The following FBP1 variants were observed in gnomAD, a reference collection of about 807,000 sequenced individuals.
FBP1 encodes the protein fructose-1,6-bisphosphatase 1.
FBP1 carries 22 observed loss-of-function variants against 29.9 expected under a neutral mutation model. The ratio of observed to expected loss-of-function variants is 0.74; its 90% CI spans 0.53 to 1.05. The LOEUF is 1.05. FBP1 is among the 50% of genes least tolerant of loss of function. FBP1 has a pLI of 0.00. For synonymous variants in FBP1, 175 were observed against 178.6 expected (o/e 0.98, Z 0.16); for missense variants, 345 against 448.2 (o/e 0.77, Z 2.08).
At chr9:94,622,044 G>A (rs1334592409) in intron 1 of FBP1, among the ~76,000 whole-genome samples, 1 of 152,184 alleles carries the variant, frequency 6.6e-6, no homozygotes, top group African/African-American at 2.4e-5. Context: ...TCCCAGGCCA[G>A]GGCTCTCTTG....
Position 94,620,476 on chromosome 9 carries a change from A to G in FBP1, c.186T>C (p.Gly62=). 1.9e-6 allele frequency: 3 copies of G among 1,614,182 alleles called. No individual in the cohort carries two copies. The highest frequency in any genetic ancestry group is 2.5e-6 in the Non-Finnish European group (3 of 1,180,034). The change falls in exon 2 of 7, where the codon GGT becomes GGC. Residue 62 remains glycine (G), a synonymous_variant. Transcript: ENST00000375326. ...AGIAHLYGIA[G]STNVTGDQVK... Reference sequence around the variant, plus strand: ...CTTGATCACCTGTCACGTTGGTAGAACCAGCAATGCCATAGCTACAGGGAA... The same window carrying G: ...CTTGATCACCTGTCACGTTGGTAGAGCCAGCAATGCCATAGCTACAGGGAA...
At chr9:94,607,782 C>G (rs1827722925) in intron 4 of FBP1, among the ~76,000 whole-genome samples, 1 of 151,552 alleles carries the variant, frequency 6.6e-6, no homozygotes, top group African/African-American at 2.4e-5. Context: ...AAAAGGCCCA[C>G]CGACACCTCT....
intron 1 of FBP1, among the ~76,000 whole-genome samples, chr9:94,628,431 T>C (rs1485246811): frequency 6.6e-6 from 1 of 150,776 alleles, no homozygotes; most frequent in Non-Finnish European, 1.5e-5. Context: ...CATTGTGAGG[T>C]TTTCTCCACC....
At chr9:94,616,684 G>A (rs763542654) in intron 3 of FBP1, among the ~76,000 whole-genome samples, 3 of 151,988 alleles carry the variant, frequency 2.0e-5, no homozygotes, top group East Asian at 1.9e-4. Context: ...CACCCACCTC[G>A]GCCTCCCAAA....
intron 1 of FBP1, among the ~76,000 whole-genome samples, chr9:94,634,289 G>T (rs1476396414): frequency 1.4e-5 from 2 of 139,622 alleles, no homozygotes; most frequent in Non-Finnish European, 1.5e-5. Flanking sequence ...GCGAGACTCT[G>T]CCTCAAAAAA....
chr9:94,620,578 G>T, intron 1 of FBP1, 87 bp from the exon 2 acceptor site: 1 of 1,315,020 alleles, frequency 7.6e-7, no homozygotes, highest in Non-Finnish European at 1.1e-6. Flanking sequence ...TGAGTGTTCG[G>T]TAAGATTTAG....
chr9:94,613,942 G>A lies in FBP1; in HGVS notation c.426+3826C>T, dbSNP rs184727644. On this transcript the variant is annotated intron_variant, in intron 3 of 6. Coordinates refer to ENST00000375326, the MANE Select transcript of FBP1 (RefSeq NM_000507.4). Reference sequence around the variant, plus strand: ...AAAATACAAAAAAAATTAGCCAAGCGTGGTGGCGGGCGCCTGTAGTCCCAG... The same window carrying A: ...AAAATACAAAAAAAATTAGCCAAGCATGGTGGCGGGCGCCTGTAGTCCCAG... Among the ~76,000 whole-genome samples the A allele has an allele frequency of 5.0e-4, 76 of 151,150 alleles. No homozygotes were observed. In the South Asian group the frequency reaches 0.01, roughly 21 times the overall value.
Position 94,603,511 on chromosome 9 carries a change from G to A in FBP1, c.887C>T (p.Ala296Val). 6.2e-7 allele frequency: 1 copy of A among 1,614,120 alleles called. No individual in the cohort carries two copies. Among genetic ancestry groups the A allele is most frequent in the Non-Finnish European group, 8.5e-7 (1 of 1,179,992 alleles). Residue 296 changes from alanine (A) to valine (V), a missense_variant, in exon 7 of 7, where the codon GCC becomes GTC. Coordinates refer to ENST00000375326, the MANE Select transcript of FBP1 (RefSeq NM_000507.4). ...AYVMEKAGGM[A>V]TTGKEAVLDV... The stretch of plus-strand genomic sequence containing the variant: ...TAACACGGCCTCCTTCCCAGTGGTG[G>A]CCATTCCCCCAGCCTTCTCCATGAC...
chr9:94,639,293 G>A lies in FBP1; in HGVS notation c.18C>T (p.Pro6=), dbSNP rs773395852. The change falls in exon 1 of 7, where the codon CCC becomes CCT. Residue 6 remains proline, a synonymous_variant. Transcript: ENST00000375326. MADQA[P]FDTDVNTLTR... The stretch of plus-strand genomic sequence containing the variant: ...TCAGGGTGTTGACGTCCGTGTCGAA[G>A]GGCGCCTGGTCAGCCATGCTTGAAC... 9 of 1,607,504 alleles carry A rather than the reference G, an allele frequency of 5.6e-6. No homozygotes were observed. The highest frequency in any genetic ancestry group is 7.6e-6 in the Non-Finnish European group (9 of 1,177,214).
intron 3 of FBP1, among the ~76,000 whole-genome samples, chr9:94,610,399 A>G (rs148827684): frequency 6.6e-6 from 1 of 152,352 alleles, no homozygotes; most frequent in African/African-American, 2.4e-5. Context: ...ACGGGCATCC[A>G]TCTCTGTCAC....
rs1396589656 is a variant in FBP1, at chr9:94,628,394, A to AAT, written c.171-7904_171-7903insAT. ...GAGACTCTGTCTCAAAAAAAAAAAA[A>AAT]AAATTTATCATAGAGGGGAAAGGCA... On this transcript the variant is annotated intron_variant, in intron 1 of 6. Transcript: ENST00000375326. Among the ~76,000 whole-genome samples the AAT allele has an allele frequency of 7.7e-3, 1,166 of 151,684 alleles. 15 individuals are homozygous for AAT. Among genetic ancestry groups the AAT allele is most frequent in the African/African-American group, 0.027 (1,119 of 41,310 alleles).
chr9:94,621,367 G>C (rs1175456533), intron 1 of FBP1, among the ~76,000 whole-genome samples: 1 of 148,520 alleles, frequency 6.7e-6, no homozygotes, highest in Non-Finnish European at 1.5e-5. Context: ...CTGCACTCCA[G>C]CCTGGGCGAC....
intron 1 of FBP1, among the ~76,000 whole-genome samples, chr9:94,635,034 A>T (rs1161080964): frequency 1.3e-5 from 2 of 148,532 alleles, no homozygotes; most frequent in Non-Finnish European, 3.0e-5. Context: ...GGTTGCAGTA[A>T]GCTGAGATTG....
intron 4 of FBP1, among the ~76,000 whole-genome samples, chr9:94,608,677 T>C (rs1197175541): frequency 2.6e-5 from 4 of 152,098 alleles, no homozygotes; most frequent in African/African-American, 9.6e-5. Flanking sequence ...CCTTGTTTAT[T>C]TGTTAAGTGC....
chr9:94,637,008 A>C (rs948503800), intron 1 of FBP1, among the ~76,000 whole-genome samples: 6 of 151,910 alleles, frequency 3.9e-5, no homozygotes, highest in Non-Finnish European at 8.8e-5. Flanking sequence ...CTCTTTTTAA[A>C]ATATATCCCT....
chr9:94,621,706 A>C (rs1014659843), intron 1 of FBP1, among the ~76,000 whole-genome samples: 2 of 152,172 alleles, frequency 1.3e-5, no homozygotes, highest in Non-Finnish European at 2.9e-5. Flanking sequence ...TTACATAAAA[A>C]GTTTGCGGGT....
At chr9:94,636,682 T>C (rs979530571) in intron 1 of FBP1, among the ~76,000 whole-genome samples, 1 of 151,834 alleles carries the variant, frequency 6.6e-6, no homozygotes, top group Admixed American at 6.6e-5. Context: ...ATATCAGACA[T>C]GACAAGCCCT....
At chr9:94,605,101 C>T (rs566874595) in intron 6 of FBP1, among the ~76,000 whole-genome samples, 1 of 152,298 alleles carries the variant, frequency 6.6e-6, no homozygotes, top group East Asian at 1.9e-4. Flanking sequence ...TGAGGATACA[C>T]ATTTGATTCG....
Position 94,606,931 on chromosome 9 carries a change from C to T in FBP1, c.589G>A (p.Val197Met). 2 of 1,614,132 alleles carry T rather than the reference C, an allele frequency of 1.2e-6. No individual in the cohort carries two copies. The highest frequency in any genetic ancestry group is 1.7e-6 in the Non-Finnish European group (2 of 1,180,008). ...LDPAIGEFIL[V>M]DKDVKIKKKG... ...TTTTTTATCTTCACATCCTTGTCCA[C>T]CAAAATGAACTCCCCGATGGCCTTT... The change falls in exon 5 of 7, where the codon GTG becomes ATG. Residue 197 changes from valine to methionine, a missense_variant. Physicochemically the swap from Val to Met is conservative, Grantham distance 21 (BLOSUM62 1). Transcript: ENST00000375326.
Sources: allele counts gnomAD v4.1 joint callset (sites outside exome capture counted in the v4.1 genomes callset), GRCh38; gene constraint gnomAD v4.1.1; transcripts MANE v1.5; gene names NCBI Gene and HGNC (gene_info 2026-07-23, HGNC 2026-07-21).